RPA3: variants seen among roughly 807,000 people sequenced by gnomAD.
RPA3 encodes the protein replication protein A3.
RPA3 carries 24 observed loss-of-function variants against 13.7 expected under a neutral mutation model. The observed-to-expected ratio is 1.75, with a 90% confidence interval of 1.27 to 2.46. The LOEUF (loss-of-function observed/expected upper bound fraction) is 2.46. Among genes scored for constraint, RPA3 ranks in the 30% most tolerant of loss-of-function variants. The pLI is 0.00. For missense variants in RPA3, 183 were observed against 151.0 expected, an observed-to-expected ratio of 1.21 and a Z score of -1.11; for synonymous variants, 59 against 51.2, an observed-to-expected ratio of 1.15 and a Z score of -0.65.
intron 4 of RPA3, among the ~76,000 whole-genome samples, chr7:7,681,573 G>A (rs914520504): frequency 3.3e-5 from 5 of 152,094 alleles, no homozygotes; most frequent in African/African-American, 1.2e-4. Flanking sequence ...TCCTATTCAC[G>A]TAAGAAGGTA....
intron 5 of RPA3, 90 bp downstream of exon 5, chr7:7,640,230 G>T: frequency 7.4e-7 from 1 of 1,354,878 alleles, no homozygotes; most frequent in Non-Finnish European, 1.1e-6. Context: ...GTGATCGGAG[G>T]CTTTCCGTCC....
intron 4 of RPA3, among the ~76,000 whole-genome samples, chr7:7,645,456 A>T (rs1344625525): frequency 6.6e-6 from 1 of 152,306 alleles, no homozygotes; most frequent in South Asian, 2.1e-4. Flanking sequence ...TTCCATATTT[A>T]TGGTTATCTC....
Position 7,649,815 on chromosome 7 carries a change from C to G in RPA3, c.-757-8640G>C, listed in dbSNP as rs1785184849. ...TGGCATATAGTATTAGGAGGTAAGG[C>G]CTTTGAGAGGGCACATGAATTGGAT... On this transcript the variant is annotated intron_variant, in intron 4 of 7. Coordinates refer to ENST00000223129, the MANE Select transcript of RPA3 (RefSeq NM_002947.5). Among the ~76,000 whole-genome samples the G allele has an allele frequency of 2.0e-5, 3 of 152,220 alleles. No individual in the cohort carries two copies. In the East Asian group the frequency reaches 5.8e-4, roughly 29 times the overall value.
At chr7:7,683,198 A>G (rs1380402827) in intron 4 of RPA3, among the ~76,000 whole-genome samples, 1 of 152,200 alleles carries the variant, frequency 6.6e-6, no homozygotes, top group Non-Finnish European at 1.5e-5. Flanking sequence ...AGTTGACTCA[A>G]ACGTAAATTA....
intron 4 of RPA3, among the ~76,000 whole-genome samples, chr7:7,678,353 T>G (rs1309205146): frequency 6.7e-6 from 1 of 149,862 alleles, no homozygotes; most frequent in Non-Finnish European, 1.5e-5. Context: ...TTGAACGTTT[T>G]TTTAATATGC....
chr7:7,683,493 C>G (rs927676642), intron 4 of RPA3, among the ~76,000 whole-genome samples: 1 of 151,918 alleles, frequency 6.6e-6, no homozygotes, highest in Non-Finnish European at 1.5e-5. Context: ...TTTAGTTGAG[C>G]CATAAACAAA....
At chr7:7,692,676 C>T (rs1780200287) in intron 2 of RPA3, among the ~76,000 whole-genome samples, 1 of 152,158 alleles carries the variant, frequency 6.6e-6, no homozygotes, top group Non-Finnish European at 1.5e-5. Flanking sequence ...GTAGCGTGAT[C>T]TCAGCTCACT....
At chr7:7,652,786 A>T (rs1035950996) in intron 4 of RPA3, among the ~76,000 whole-genome samples, 2 of 152,238 alleles carry the variant, frequency 1.3e-5, no homozygotes, top group African/African-American at 2.4e-5. Context: ...TTGTTCTTCA[A>T]TGGGGAGGAA....
rs1159043325 is a variant in RPA3, at chr7:7,639,123, A to G, written c.121T>C (p.Phe41Leu). The part of the protein sequence containing the change: ...LEKIHPTGKM[F>L]ILSDGEGKNG... The stretch of plus-strand genomic sequence containing the variant: ...TTTCCTTCTCCATCTGAAAGAATAA[A>G]CATTTTTCCGGTGGGATGAATCTAA... Residue 41 changes from phenylalanine to leucine, a missense_variant, in exon 6 of 8, where the codon TTT becomes CTT. Phe to Leu is a conservative substitution (Grantham distance 22). Coordinates refer to ENST00000223129, the MANE Select transcript of RPA3 (RefSeq NM_002947.5). The G allele has an allele frequency of 1.2e-6, 2 of 1,611,828 alleles. No homozygotes were observed.
intron 2 of RPA3, among the ~76,000 whole-genome samples, chr7:7,706,686 C>A (rs1322855735): frequency 1.3e-5 from 2 of 152,070 alleles, no homozygotes; most frequent in Non-Finnish European, 2.9e-5. Context: ...ATTTCTAACT[C>A]ACAGATGGGA....
intron 4 of RPA3, chr7:7,676,320 T>G (rs1779737814): frequency 2.5e-6 from 1 of 393,426 alleles, no homozygotes; most frequent in East Asian, 3.6e-5. Context: ...TGTAAAATGT[T>G]TAGAAAAACC....
At chr7:7,643,709 C>T in intron 4 of RPA3, among the ~76,000 whole-genome samples, 1 of 104,856 alleles carries the variant, frequency 9.5e-6, no homozygotes, top group South Asian at 2.7e-4. Flanking sequence ...GAGACTCCCT[C>T]TCAAAAAAAA....
chr7:7,672,904 G>T (rs1563107368), intron 4 of RPA3, among the ~76,000 whole-genome samples: 1 of 152,178 alleles, frequency 6.6e-6, no homozygotes, highest in African/African-American at 2.4e-5. Context: ...GTCTTATGAG[G>T]CTTAAGGTAG....
chr7:7,696,740 G>C (rs950743009), intron 2 of RPA3, among the ~76,000 whole-genome samples: 1 of 152,088 alleles, frequency 6.6e-6, no homozygotes, highest in Non-Finnish European at 1.5e-5. Flanking sequence ...TCAATAGTGG[G>C]CACTGATTCT....
chr7:7,714,321 T>A (rs990894825), intron 2 of RPA3, among the ~76,000 whole-genome samples: 15 of 152,354 alleles, frequency 9.8e-5, no homozygotes, highest in African/African-American at 3.4e-4. Context: ...CAGACTTTCT[T>A]TGGCTGCTCC....
intron 7 of RPA3, 32 bp from the exon 8 acceptor site, chr7:7,637,114 T>C: frequency 7.0e-7 from 1 of 1,422,452 alleles, no homozygotes; most frequent in South Asian, 1.2e-5. Flanking sequence ...ACATTTAATC[T>C]ACAATGGAAA....
At chr7:7,677,067 C>G (rs917495762) in intron 4 of RPA3, among the ~76,000 whole-genome samples, 19 of 152,030 alleles carry the variant, frequency 1.2e-4, no homozygotes, top group African/African-American at 3.4e-4. Flanking sequence ...TTAACATGGA[C>G]ACATACTTGC....
rs1563077044 is a variant in RPA3, at chr7:7,643,725, ACAAACAAACG to A, written c.-757-2560_-757-2551del. ...AGACTCCCTCTCAAAAAAAAAAAAAACAAACAAACGAAAAAAAAAGGATCAACGGTTAAAT... is the reference window on the plus strand; with the variant it reads ...AGACTCCCTCTCAAAAAAAAAAAAAAAAAAAAAAAGGATCAACGGTTAAAT... On this transcript the variant is annotated intron_variant, in intron 4 of 7. Coordinates refer to ENST00000223129, the MANE Select transcript of RPA3 (RefSeq NM_002947.5). Among the ~76,000 whole-genome samples the A allele has an allele frequency of 1.2e-3, 10 of 8,082 alleles. 1 individual carries two copies. Among genetic ancestry groups the A allele is most frequent in the Admixed American group, 3.2e-3 (2 of 634 alleles). The allele number at this position is 8,082 out of a possible 152,430, so 5.3% of individuals were successfully genotyped here.
At chr7:7,711,228 T>G (rs1249937568) in intron 2 of RPA3, among the ~76,000 whole-genome samples, 3 of 152,202 alleles carry the variant, frequency 2.0e-5, no homozygotes, top group Non-Finnish European at 4.4e-5. Context: ...TCCATATAAT[T>G]TCTCCAATCT....
Sources: gnomAD v4.1 joint callset for allele counts (sites outside exome capture counted in the v4.1 genomes callset) on GRCh38, gnomAD v4.1.1 for gene constraint, MANE v1.5 for transcripts, NCBI Gene and HGNC (gene_info 2026-07-23, HGNC 2026-07-21) for gene names.